SNAP91: variants seen among roughly 807,000 people sequenced by gnomAD.
SNAP91 encodes the protein clathrin coat assembly protein AP180.
A neutral mutation model predicts 100.3 loss-of-function variants in SNAP91; 27 were observed. The ratio of observed to expected loss-of-function variants is 0.27; its 90% CI spans 0.20 to 0.37. The LOEUF is 0.37. SNAP91 is among the 10% of genes least tolerant of loss of function. The pLI, the probability that SNAP91 is intolerant of heterozygous loss-of-function variation, is 1.00. For synonymous variants in SNAP91, 404 were observed against 398.6 expected (o/e 1.01, Z -0.16); for missense variants, 986 against 1,123.7 (o/e 0.88, Z 1.75).
rs139045209 is a variant in SNAP91 at position 83,625,615 on chromosome 6, C to G, written c.766-2273G>C. On this transcript the variant is annotated intron_variant, in intron 8 of 29. Coordinates refer to ENST00000369694, the MANE Select transcript of SNAP91 (RefSeq NM_001242792.2). ...ATAGTATCTCACTGTGGTTTTGATT[C>G]GCATTTCTCTGATGATTAGTGATGC... Among the ~76,000 whole-genome samples, 400 of 151,948 alleles carry G rather than the reference C, an allele frequency of 2.6e-3. 3 individuals carry two copies. The highest frequency in any genetic ancestry group is 8.8e-3 in the African/African-American group (367 of 41,480).
rs967229214 is a variant in SNAP91, at chr6:83,601,374, T to C, written c.1221A>G (p.Glu407=). Residue 407 remains glutamate, a synonymous_variant, in exon 16 of 30, where the codon GAA becomes GAG. Coordinates refer to ENST00000369694, the MANE Select transcript of SNAP91 (RefSeq NM_001242792.2). The part of the protein sequence containing the change: ...EAQISDPFAP[E]PTPPTTTAEI... ...CAGCAGTTGTAGTAGGAGGGGTAGGTTCTGGTGCAAATGGATCTGAAATCT... is the reference window on the plus strand; with the variant it reads ...CAGCAGTTGTAGTAGGAGGGGTAGGCTCTGGTGCAAATGGATCTGAAATCT... 3 of 1,613,484 alleles carry C rather than the reference T, an allele frequency of 1.9e-6. No homozygotes were observed. The African/African-American group carries it at 4.0e-5, about 22-fold the overall frequency.
intron 26 of SNAP91, among the ~76,000 whole-genome samples, chr6:83,574,794 C>T (rs1393809776): frequency 2.6e-5 from 4 of 152,032 alleles, no homozygotes; most frequent in Non-Finnish European, 4.4e-5. Context: ...TATTTACTCT[C>T]TCTCCCACTT....
At chr6:83,657,701 G>C (rs1427036461) in intron 6 of SNAP91, among the ~76,000 whole-genome samples, 5 of 152,020 alleles carry the variant, frequency 3.3e-5, no homozygotes, top group Middle Eastern at 6.8e-3. Context: ...AATACAAAAA[G>C]GCTGAACAAT....
intron 5 of SNAP91, among the ~76,000 whole-genome samples, chr6:83,661,188 T>C (rs901823583): frequency 5.3e-5 from 8 of 152,224 alleles, no homozygotes; most frequent in African/African-American, 9.6e-5. Context: ...TAAAGGTATA[T>C]ACATGTTTAA....
chr6:83,679,912 T>C (rs746815076), intron 2 of SNAP91, among the ~76,000 whole-genome samples: 8 of 152,146 alleles, frequency 5.3e-5, no homozygotes, highest in Non-Finnish European at 1.0e-4. Flanking sequence ...ACTACTCATG[T>C]CCACTTACAT....
chr6:83,561,030 A>G, intron 26 of SNAP91, 83 bp from the exon 27 acceptor site: 1 of 896,566 alleles, frequency 1.1e-6, no homozygotes, highest in East Asian at 2.9e-5. Context: ...CAAAAAGAAC[A>G]ATATAATTTG....
At chr6:83,702,423 G>A (rs1044547107) in intron 2 of SNAP91, among the ~76,000 whole-genome samples, 1 of 152,132 alleles carries the variant, frequency 6.6e-6, no homozygotes, top group African/African-American at 2.4e-5. Context: ...AGCTAAAAGA[G>A]AGGTCCATGG....
At chr6:83,614,603 A>T (rs1583882642) in intron 11 of SNAP91, among the ~76,000 whole-genome samples, 1 of 152,272 alleles carries the variant, frequency 6.6e-6, no homozygotes, top group East Asian at 1.9e-4. Flanking sequence ...AATCTGAGGA[A>T]TATATTAATA....
chr6:83,687,227 T>C (rs972939183), intron 2 of SNAP91, among the ~76,000 whole-genome samples: 62 of 152,280 alleles, frequency 4.1e-4, no homozygotes, highest in African/African-American at 1.4e-3. Flanking sequence ...CAAATGAACT[T>C]ATGCTTACTG....
intron 25 of SNAP91, 198 bp from the exon 26 acceptor site, chr6:83,575,319 A>AC (rs1816535506): frequency 3.5e-6 from 2 of 571,778 alleles, no homozygotes; most frequent in South Asian, 4.4e-5. Context: ...AGCATTTGAA[A>AC]AAAAATCATT....
At chr6:83,632,441 C>T (rs1394273455) in intron 8 of SNAP91, among the ~76,000 whole-genome samples, 1 of 152,094 alleles carries the variant, frequency 6.6e-6, no homozygotes, top group African/African-American at 2.4e-5. Flanking sequence ...AGGTCTCTAG[C>T]AAGGCTGGGG....
intron 26 of SNAP91, among the ~76,000 whole-genome samples, chr6:83,561,775 G>A (rs1023484894): frequency 1.3e-5 from 2 of 152,220 alleles, no homozygotes; most frequent in African/African-American, 2.4e-5. Flanking sequence ...GGAGGCTGAG[G>A]CAGGAGAATC....
rs925815333 is a variant in SNAP91, at chr6:83,607,828, A to G, written c.913-20T>C. 1.4e-6 allele frequency: 2 copies of G among 1,458,054 alleles called. No homozygotes were observed. The highest frequency in any genetic ancestry group is 1.9e-6 in the Non-Finnish European group (2 of 1,060,530). 90.3% of individuals were successfully genotyped at this position (1,458,054 alleles called of 1,614,324 possible). On this transcript the variant is annotated intron_variant, in intron 12 of 29. Transcript: ENST00000369694. ...AGAAGACTGAAAGTGAAGATGCACAACACACTTGAGTCAAATATGAATCTA... is the reference window on the plus strand; with the variant it reads ...AGAAGACTGAAAGTGAAGATGCACAGCACACTTGAGTCAAATATGAATCTA...
intron 2 of SNAP91, chr6:83,686,042 A>C (rs1445438685): frequency 1.8e-5 from 7 of 388,758 alleles, no homozygotes; most frequent in Non-Finnish European, 2.5e-5. Flanking sequence ...TGGTTCATTA[A>C]GGTACCCCAA....
intron 6 of SNAP91, among the ~76,000 whole-genome samples, chr6:83,657,930 C>CTTTTTTTTTTTTTT (rs536763578): frequency 1.9e-5 from 2 of 106,120 alleles, no homozygotes; most frequent in Non-Finnish European, 1.9e-5. Flanking sequence ...CCACACCTTG[C>CTTTTTTTTTTTTTT]TTTTTTTTTT....
At chr6:83,596,685 C>A (rs1409335630) in intron 16 of SNAP91, among the ~76,000 whole-genome samples, 1 of 151,778 alleles carries the variant, frequency 6.6e-6, no homozygotes, top group Non-Finnish European at 1.5e-5. Flanking sequence ...GCTCAATTAG[C>A]CATTCCACAA....
chr6:83,668,176 A>C (rs1208294080), intron 2 of SNAP91, among the ~76,000 whole-genome samples: 1 of 152,124 alleles, frequency 6.6e-6, no homozygotes, highest in Non-Finnish European at 1.5e-5. Context: ...AAAGTCAGGA[A>C]ACAACAGGTG....
intron 29 of SNAP91, among the ~76,000 whole-genome samples, chr6:83,554,538 A>G (rs1339854996): frequency 6.6e-6 from 1 of 152,210 alleles, no homozygotes; most frequent in Non-Finnish European, 1.5e-5. Flanking sequence ...TTATATCAAC[A>G]AAAATTTGAA....
At chr6:83,614,955 C>A in intron 10 of SNAP91, 93 bp from the exon 11 acceptor site, 1 of 1,048,094 alleles carries the variant, frequency 9.5e-7, no homozygotes, top group Non-Finnish European at 1.4e-6. Context: ...AAGCAAAAGA[C>A]AAGTTCAAAT....
Sources: allele counts gnomAD v4.1 joint callset (sites outside exome capture counted in the v4.1 genomes callset), GRCh38; gene constraint gnomAD v4.1.1; transcripts MANE v1.5; gene names NCBI Gene and HGNC (gene_info 2026-07-23, HGNC 2026-07-21).